Variants in TTLL10 observed in about 807,000 individuals in gnomAD.
The protein encoded by TTLL10 is tubulin tyrosine ligase like 10.
TTLL10 carries 61 observed loss-of-function variants against 69.0 expected under a neutral mutation model. That is an observed-to-expected ratio of 0.88 (90% CI 0.72 to 1.09). The LOEUF (loss-of-function observed/expected upper bound fraction) is 1.09, where lower values mean the gene tolerates loss of function less well. TTLL10 is among the 50% of genes least tolerant of loss of function. The pLI, the probability that TTLL10 is intolerant of heterozygous loss-of-function variation, is 0.00. For synonymous variants in TTLL10, 408 were observed against 393.3 expected (o/e 1.04, Z -0.44); for missense variants, 962 against 945.9 (o/e 1.02, Z -0.22).
At chr1:1,179,922 G>A in intron 5 of TTLL10, 112 bp from the exon 6 acceptor site, 1 of 1,439,040 alleles carries the variant, frequency 6.9e-7, no homozygotes, top group Non-Finnish European at 9.1e-7. Flanking sequence ...ACGGGCCAGG[G>A]GGATTGTCCA....
Position 1,197,153 on chromosome 1 carries a change from G to T in TTLL10, c.1579G>T (p.Glu527Ter). Reference protein sequence around the residue: ...ALHTNCEVLKEVIPGVVIETL... With the variant: ...ALHTNCEVLK ...GCACACCAACTGCGAGGTCCTGAAGGAGGTCATCCCAGGTGTGGTCATCGA... is the reference window on the plus strand; with the variant it reads ...GCACACCAACTGCGAGGTCCTGAAGTAGGTCATCCCAGGTGTGGTCATCGA... The change falls in exon 15 of 16, where the codon GAG becomes TAG. Residue 527 changes from glutamate to a stop codon, truncating the protein, a stop_gained. Transcript: ENST00000379289. LOFTEE classifies it high-confidence loss of function. The T allele has an allele frequency of 6.4e-7, 1 of 1,550,916 alleles. No individual in the cohort carries two copies. Among genetic ancestry groups the T allele is most frequent in the Non-Finnish European group, 8.7e-7 (1 of 1,146,786 alleles).
intron 13 of TTLL10, among the ~76,000 whole-genome samples, chr1:1,195,773 G>A (rs1210331425): frequency 6.6e-6 from 1 of 151,990 alleles, no homozygotes; most frequent in Non-Finnish European, 1.5e-5. Context: ...CCAAGTAGGT[G>A]GGACTACAGG....
At chr1:1,186,252 C>T in intron 13 of TTLL10, among the ~76,000 whole-genome samples, 1 of 152,086 alleles carries the variant, frequency 6.6e-6, no homozygotes, top group East Asian at 1.9e-4. Flanking sequence ...CCACGCGCGG[C>T]TAATTTTTGT....
chr1:1,184,160 TA>T, intron 12 of TTLL10, 69 bp downstream of exon 12: 1 of 1,595,256 alleles, frequency 6.3e-7, no homozygotes, highest in Non-Finnish European at 8.6e-7. Flanking sequence ...TTCTCACTGC[TA>T]GGGGGTGCAG....
intron 14 of TTLL10, 66 bp from the exon 15 acceptor site, chr1:1,197,027 G>A: frequency 7.0e-7 from 1 of 1,437,114 alleles, no homozygotes; most frequent in East Asian, 2.5e-5. Flanking sequence ...ATGAGGACCA[G>A]GGCCTCTGCC....
Position 1,183,080 on chromosome 1 carries a change from C to G in TTLL10, c.1088+33C>G, listed in dbSNP as rs747186229. 4.5e-6 allele frequency: 7 copies of G among 1,553,414 alleles called. No individual in the cohort carries two copies. The South Asian group carries it at 8.3e-5, about 19-fold the overall frequency. On this transcript the variant is annotated intron_variant, in intron 11 of 15. Transcript: ENST00000379289. ...GGCGGGTGCCCGGAGGGGTGAGGGT[C>G]TGGGCTGGCTGACCCGGGCCCCACT...
Position 1,190,749 on chromosome 1 carries a change from T to C in TTLL10, c.1401+5640T>C, listed in dbSNP as rs113204740. On this transcript the variant is annotated intron_variant, in intron 13 of 15. Transcript: ENST00000379289. ...GTGCTTAGTGCTATACATTTTCCTC[T>C]GACCACCACTTTTGCTGCATCCATA... is the stretch of plus-strand genomic sequence containing the variant. Among the ~76,000 whole-genome samples the C allele has an allele frequency of 6.5e-3, 985 of 152,348 alleles. 13 individuals are homozygous for C. The highest frequency in any genetic ancestry group is 0.02 in the African/African-American group (838 of 41,572).
In TTLL10 at chr1:1,190,520, C is replaced by T. The variant is rs557829341; in HGVS notation, c.1401+5411C>T. On this transcript the variant is annotated intron_variant, in intron 13 of 15. Coordinates refer to ENST00000379289, the MANE Select transcript of TTLL10 (RefSeq NM_001130045.2). ...TCAGCTCACTGCAACCTCTGCCTCC[C>T]GGGTTCAAATGATTCTCCTGCCTCA... Among the ~76,000 whole-genome samples, 31 of 151,942 alleles carry T rather than the reference C, an allele frequency of 2.0e-4. No homozygotes were observed. In the South Asian group the frequency reaches 2.7e-3, roughly 13 times the overall value.
In TTLL10 at chr1:1,181,352, C is replaced by T. The variant is rs1029087708; in HGVS notation, c.756-389C>T. On this transcript the variant is annotated intron_variant, in intron 8 of 15. Transcript: ENST00000379289. This position sits in a 1 kb window ranked among gnomAD's most constrained non-coding sequence, Gnocchi z 4.6. ...CCTGAGTGAGGCCGTCCATCGCTCA[C>T]CCAAGTCTGGGCCATCCATCCTAGC... 6.6e-6 allele frequency among the ~76,000 whole-genome samples: 1 copy of T among 151,998 alleles called. No individual in the cohort carries two copies. The highest frequency in any genetic ancestry group is 2.4e-5 in the African/African-American group (1 of 41,356).
chr1:1,197,058 C>A lies in TTLL10; in HGVS notation c.1519-35C>A, dbSNP rs573050833. ...CTGCCTCCTGCTGGCCCAGTGGGCT[C>A]GGGGTGAGGAGGGACTGACTGGCGT... is the stretch of plus-strand genomic sequence containing the variant. On this transcript the variant is annotated intron_variant, in intron 14 of 15. Transcript: ENST00000379289. 7 of 1,546,038 alleles carry A rather than the reference C, an allele frequency of 4.5e-6. No individual in the cohort carries two copies. In the African/African-American group the frequency reaches 6.9e-5, roughly 15 times the overall value.
chr1:1,186,250 G>A (rs981322835), intron 13 of TTLL10, among the ~76,000 whole-genome samples: 16 of 152,138 alleles, frequency 1.1e-4, no homozygotes, highest in East Asian at 3.9e-4. Flanking sequence ...CACCACGCGC[G>A]GCTAATTTTT....
chr1:1,195,666 G>A (rs953549562), intron 13 of TTLL10, among the ~76,000 whole-genome samples: 1 of 150,490 alleles, frequency 6.6e-6, no homozygotes, highest in Non-Finnish European at 1.5e-5. Flanking sequence ...TTTTTAGACA[G>A]TCTCACTGTG....
At position 1,197,616 on chromosome 1, in the gene TTLL10, G is replaced by A; in HGVS notation, c.1791G>A (p.Gly597=). The A allele has an allele frequency of 2.6e-6, 4 of 1,514,828 alleles. No homozygotes were observed. Among genetic ancestry groups the A allele is most frequent in the Non-Finnish European group, 3.5e-6 (4 of 1,137,802 alleles). 93.8% of individuals were successfully genotyped at this position (1,514,828 alleles called of 1,614,324 possible). Residue 597 remains glycine, a synonymous_variant, in exon 16 of 16, where the codon GGG becomes GGA. Coordinates refer to ENST00000379289, the MANE Select transcript of TTLL10 (RefSeq NM_001130045.2). Reference sequence around the variant, plus strand: ...CCACCCGCCAGGCCAAGTCCTCCGGGCCACCCATGCCGCATGCCCCAGACC... The same window carrying A: ...CCACCCGCCAGGCCAAGTCCTCCGGACCACCCATGCCGCATGCCCCAGACC... The part of the protein sequence containing the change: ...PLPTRQAKSS[G]PPMPHAPDQP...
chr1:1,179,347 C>T lies in TTLL10; in HGVS notation c.118+14C>T. The T allele has an allele frequency of 6.5e-7, 1 of 1,548,158 alleles. No individual in the cohort carries two copies. The highest frequency in any genetic ancestry group is 8.7e-7 in the Non-Finnish European group (1 of 1,144,174). On this transcript the variant is annotated intron_variant, in intron 4 of 15. Coordinates refer to ENST00000379289, the MANE Select transcript of TTLL10 (RefSeq NM_001130045.2). ...CTCGAGTCTCAGGTGAATAGAGCAG[C>T]CCTGGGTGGCCTCCTACCTCTCCAA...
At chr1:1,186,077 G>A (rs904404119) in intron 13 of TTLL10, among the ~76,000 whole-genome samples, 4 of 150,220 alleles carry the variant, frequency 2.7e-5, no homozygotes, top group Non-Finnish European at 4.4e-5. Context: ...CGTAGTTCAC[G>A]TATCCTTTTC....
In TTLL10 at chr1:1,185,318, G is replaced by A; in HGVS notation, c.1401+209G>A. 1 of 1,392,860 alleles carries A rather than the reference G, an allele frequency of 7.2e-7. No individual in the cohort carries two copies. The allele number at this position is 1,392,860 out of a possible 1,614,324, so 86.3% of individuals were successfully genotyped here. Reference sequence around the variant, plus strand: ...CCAGCAGCCAGCAAAGGCCCGGACGGAAAGCCCAGTCGGGGGTCTGTCGGC... The same window carrying A: ...CCAGCAGCCAGCAAAGGCCCGGACGAAAAGCCCAGTCGGGGGTCTGTCGGC... On this transcript the variant is annotated intron_variant, in intron 13 of 15. Coordinates refer to ENST00000379289, the MANE Select transcript of TTLL10 (RefSeq NM_001130045.2). This position sits in a 1 kb window ranked among gnomAD's most constrained non-coding sequence, Gnocchi z 6.1.
chr1:1,179,589 C>CCCCTGGCGGGT, intron 4 of TTLL10, 68 bp from the exon 5 acceptor site: 1 of 1,546,396 alleles, frequency 6.5e-7, no homozygotes, highest in Non-Finnish European at 8.7e-7. Flanking sequence ...CCCTCGTCTC[C>CCCCTGGCGGGT]CGGCCTGACA....
chr1:1,176,968 C>A (rs1317896610), intron 3 of TTLL10, among the ~76,000 whole-genome samples: 6 of 152,132 alleles, frequency 3.9e-5, no homozygotes, highest in African/African-American at 1.4e-4. Context: ...TTCCCTGTTT[C>A]TCCCCTTTTC....
intron 7 of TTLL10, 62 bp downstream of exon 7, chr1:1,180,663 G>A: frequency 1.3e-6 from 2 of 1,559,926 alleles, no homozygotes; most frequent in Non-Finnish European, 1.7e-6. Flanking sequence ...GGAGCACAGG[G>A]CAGGTTGGAG....
Sources: allele counts gnomAD v4.1 joint callset (sites outside exome capture counted in the v4.1 genomes callset), GRCh38; gene constraint gnomAD v4.1.1; non-coding constraint Gnocchi (gnomAD v3.1); transcripts MANE v1.5; gene names NCBI Gene and HGNC (gene_info 2026-07-23, HGNC 2026-07-21).